Variants in ZNF718 observed in about 807,000 individuals in gnomAD.
ZNF718 encodes the protein zinc finger protein 718.
ZNF718 carries 3 observed loss-of-function variants against 2.6 expected under a neutral mutation model. That is an observed-to-expected ratio of 1.16 (90% CI 0.53 to 3.01). The LOEUF (loss-of-function observed/expected upper bound fraction) is 3.01, where lower values mean the gene tolerates loss of function less well. Among genes scored for constraint, ZNF718 ranks in the 30% most tolerant of loss-of-function variants. The pLI is 0.03. For missense variants in ZNF718, 468 were observed against 230.0 expected (o/e 2.03, Z -6.69); for synonymous variants, 135 against 77.9 (o/e 1.73, Z -3.86).
chr4:159,919 A>G (rs1446372633), intron 3 of ZNF718, among the ~76,000 whole-genome samples: 1 of 152,214 alleles, frequency 6.6e-6, no homozygotes, highest in Non-Finnish European at 1.5e-5. Flanking sequence ...ACATAGTCTG[A>G]AACCAGTTGT....
At chr4:143,303 G>C (rs894704659) in intron 3 of ZNF718, among the ~76,000 whole-genome samples, 1 of 152,160 alleles carries the variant, frequency 6.6e-6, no homozygotes, top group African/African-American at 2.4e-5. Context: ...GCAATTCTTT[G>C]CCTCAGCCTC....
At chr4:178,574 A>G (rs2108812588) in intron 3 of ZNF718, among the ~76,000 whole-genome samples, 2 of 152,322 alleles carry the variant, frequency 1.3e-5, no homozygotes, top group South Asian at 4.1e-4. Context: ...TGTGTGTTGA[A>G]TAGTGGCCAT....
chr4:151,321 G>T (rs1716312261), intron 3 of ZNF718, among the ~76,000 whole-genome samples: 1 of 151,884 alleles, frequency 6.6e-6, no homozygotes, highest in Admixed American at 6.6e-5. Flanking sequence ...GCCCAGGCTG[G>T]TCTCAAACTC....
At chr4:155,147 T>C (rs976686350) in intron 3 of ZNF718, among the ~76,000 whole-genome samples, 1 of 151,360 alleles carries the variant, frequency 6.6e-6, no homozygotes, top group Admixed American at 6.5e-5. Flanking sequence ...AGAATATGTA[T>C]ACAAATGCCT....
intron 3 of ZNF718, among the ~76,000 whole-genome samples, chr4:194,275 A>AT (rs1426621275): frequency 6.6e-6 from 1 of 152,188 alleles, no homozygotes; most frequent in Non-Finnish European, 1.5e-5. Flanking sequence ...TGCTTCCTCA[A>AT]TGCCTCCCTT....
chr4:134,192 G>A (rs184046847), intron 3 of ZNF718, among the ~76,000 whole-genome samples: 1 of 152,220 alleles, frequency 6.6e-6, no homozygotes, highest in East Asian at 1.9e-4. Context: ...TGTCACCCAG[G>A]CTGGAGTGCA....
At chr4:167,934 T>G (rs1467281222), downstream of ZNF718, among the ~76,000 whole-genome samples, 1 of 152,200 alleles carries the variant, frequency 6.6e-6, no homozygotes, top group Non-Finnish European at 1.5e-5. Flanking sequence ...GTGCCAGTTT[T>G]CAAAGGGAAT....
chr4:156,195 G>T (rs1553813632), intron 3 of ZNF718, among the ~76,000 whole-genome samples: 3 of 152,090 alleles, frequency 2.0e-5, no homozygotes, highest in Non-Finnish European at 4.4e-5. Context: ...CAGACAGTGT[G>T]GAGCACAAGT....
chr4:149,618 T>C (rs1220995335), intron 3 of ZNF718: 1 of 152,188 alleles, frequency 6.6e-6, no homozygotes, highest in Non-Finnish European at 1.5e-5. Flanking sequence ...TTAAAATACA[T>C]TTATAAATCA....
At chr4:165,038 T>C (rs1717056917), downstream of ZNF718, among the ~76,000 whole-genome samples, 1 of 152,168 alleles carries the variant, frequency 6.6e-6, no homozygotes, top group Admixed American at 6.5e-5. Context: ...TTAAAGAAGA[T>C]TTCAGTGTTT....
chr4:144,768 C>T (rs1203435141), intron 3 of ZNF718, among the ~76,000 whole-genome samples: 2 of 152,052 alleles, frequency 1.3e-5, no homozygotes, highest in Non-Finnish European at 2.9e-5. Flanking sequence ...TTTGTGGCTA[C>T]CGTAAATGGA....
chr4:142,663 A>G (rs893332193), intron 3 of ZNF718, among the ~76,000 whole-genome samples: 51 of 152,356 alleles, frequency 3.3e-4, no homozygotes, highest in African/African-American at 1.2e-3. Flanking sequence ...CAGTTACACA[A>G]TAGACTTTAA....
intron 3 of ZNF718, among the ~76,000 whole-genome samples, chr4:183,013 A>G (rs1553820048): frequency 3.9e-5 from 6 of 152,002 alleles, no homozygotes; most frequent in Non-Finnish European, 1.5e-5. Flanking sequence ...ATTAGATCTC[A>G]TTTTTAAATT....
chr4:169,615 T>G (rs1457465545), intron 3 of ZNF718, among the ~76,000 whole-genome samples: 1 of 152,228 alleles, frequency 6.6e-6, no homozygotes, highest in Non-Finnish European at 1.5e-5. Flanking sequence ...ATGACCTTCT[T>G]TGTCTCTTTT....
chr4:158,350 A>G (rs1192991654), intron 3 of ZNF718, among the ~76,000 whole-genome samples: 4 of 152,030 alleles, frequency 2.6e-5, no homozygotes, highest in African/African-American at 9.7e-5. Flanking sequence ...TTTTGAATGG[A>G]AAGTTTACTT....
rs1393416346 is a variant in ZNF718 at position 124,572 on chromosome 4, C to G, written c.-99C>G. On this transcript the variant is annotated 5_prime_UTR_variant, in exon 1 of 4. Transcript: ENST00000510175. ...CTCTGCTCCCGCTCCTTAGGGAAGC[C>G]TCGGTGATTCTGCCACAGCCTCAGC... 1.9e-6 allele frequency: 3 copies of G among 1,544,944 alleles called. No individual in the cohort carries two copies. The highest frequency in any genetic ancestry group is 2.7e-6 in the Non-Finnish European group (3 of 1,131,640).
At chr4:143,464 G>A (rs538519027) in intron 3 of ZNF718, among the ~76,000 whole-genome samples, 19 of 152,314 alleles carry the variant, frequency 1.2e-4, no homozygotes, top group African/African-American at 4.6e-4. Flanking sequence ...AGGATTACAG[G>A]CGTGAGCCAG....
chr4:192,889 G>A (rs1261199655), intron 3 of ZNF718, among the ~76,000 whole-genome samples: 1 of 152,162 alleles, frequency 6.6e-6, no homozygotes, highest in South Asian at 2.1e-4. Context: ...ACACTTCACA[G>A]GCCCTGACTA....
At chr4:179,570 C>T (rs542509010) in intron 3 of ZNF718, among the ~76,000 whole-genome samples, 13 of 152,196 alleles carry the variant, frequency 8.5e-5, no homozygotes, top group Non-Finnish European at 1.9e-4. Flanking sequence ...CATCAGAGAT[C>T]ATGTAAGGTG....
Sources: gnomAD v4.1 joint callset for allele counts (sites outside exome capture counted in the v4.1 genomes callset) on GRCh38, gnomAD v4.1.1 for gene constraint, MANE v1.5 for transcripts, NCBI Gene and HGNC (gene_info 2026-07-23, HGNC 2026-07-21) for gene names.